NOL10: variants seen among roughly 807,000 people sequenced by gnomAD.
NOL10 encodes nucleolar protein 10.
Under a neutral mutation model 103.5 loss-of-function variants are expected in NOL10, and 58 were observed. That is an observed-to-expected ratio of 0.56 (90% confidence interval 0.45 to 0.70). NOL10 has a LOEUF of 0.70. Among genes scored for constraint, NOL10 ranks in the 30% least tolerant of loss-of-function variants. The pLI, the probability that NOL10 is intolerant of heterozygous loss-of-function variation, is 0.00. For missense variants in NOL10, 763 were observed against 807.3 expected (o/e 0.95, Z 0.67); for synonymous variants, 287 against 282.5 (o/e 1.02, Z -0.16).
intron 19 of NOL10, among the ~76,000 whole-genome samples, chr2:10,587,878 C>G (rs180723752): frequency 5.9e-5 from 9 of 152,146 alleles, no homozygotes; most frequent in Non-Finnish European, 1.3e-4. Context: ...TTCTCCTGCA[C>G]GGAGAGCTGG....
chr2:10,638,320 G>GACGTGACGTGACGTAACGTA (rs1678426927), intron 13 of NOL10, among the ~76,000 whole-genome samples: 1 of 126,968 alleles, frequency 7.9e-6, no homozygotes, highest in Admixed American at 7.3e-5. Flanking sequence ...GACGTGACGT[G>GACGTGACGTGACGTAACGTA]ACGTGACGTG....
In NOL10 at chr2:10,675,856, C is replaced by T. The variant is rs202129521; in HGVS notation, c.227G>A (p.Arg76Gln). Residue 76 changes from arginine (R) to glutamine (Q), a missense_variant, in exon 4 of 21, where the codon CGG becomes CAG. Physicochemically the swap from Arg to Gln is conservative, Grantham distance 43. Transcript: ENST00000381685. ...YILATGTYKP[R>Q]VRCYDTYQLS... is the part of the protein sequence containing the mutation. ...TTGATAGGTGTCATAACATCGAACC[C>T]GAGGTTTATATGTTCCTACAAAAAA... 16 of 1,572,078 alleles carry T rather than the reference C, an allele frequency of 1.0e-5. No homozygotes were observed. Among genetic ancestry groups the T allele is most frequent in the African/African-American group, 5.4e-5 (4 of 74,420 alleles).
chr2:10,619,729 C>T (rs919602606), intron 13 of NOL10, among the ~76,000 whole-genome samples: 1 of 152,086 alleles, frequency 6.6e-6, no homozygotes, highest in African/African-American at 2.4e-5. Flanking sequence ...CTTCAAAGTC[C>T]ACTGTTAGCT....
chr2:10,571,181 T>C lies in NOL10; in HGVS notation c.*890A>G, dbSNP rs1206897979. ...GGCCTGGAGGGAGGTGACTGAAACA[T>C]GGGGGCAGACTTCCCCCTTGCTATT... On this transcript the variant is annotated 3_prime_UTR_variant, in exon 21 of 21. Coordinates refer to ENST00000381685, the MANE Select transcript of NOL10 (RefSeq NM_024894.4). 2.0e-5 allele frequency: 3 copies of C among 152,156 alleles called. No homozygotes were observed. The highest frequency in any genetic ancestry group is 2.9e-5 in the Non-Finnish European group (2 of 68,022). The allele number at this position is 152,156 out of a possible 1,614,324, so 9.4% of individuals were successfully genotyped here.
chr2:10,605,677 A>G (rs1387059725), intron 14 of NOL10, among the ~76,000 whole-genome samples: 1 of 151,798 alleles, frequency 6.6e-6, no homozygotes, highest in Non-Finnish European at 1.5e-5. Context: ...AAAAATCCAT[A>G]AAAGAACAAT....
chr2:10,597,729 T>C (rs952416325), intron 17 of NOL10, among the ~76,000 whole-genome samples: 9 of 152,368 alleles, frequency 5.9e-5, no homozygotes, highest in African/African-American at 2.2e-4. Context: ...ATTTTACAAA[T>C]AGTACTCTTT....
chr2:10,655,873 C>T (rs567801590), intron 11 of NOL10, among the ~76,000 whole-genome samples: 14 of 152,296 alleles, frequency 9.2e-5, no homozygotes, highest in Non-Finnish European at 1.8e-4. Flanking sequence ...CGATGAAGAA[C>T]ACGGCCAAGT....
At chr2:10,592,340 G>A (rs914071820) in intron 17 of NOL10, among the ~76,000 whole-genome samples, 12 of 152,126 alleles carry the variant, frequency 7.9e-5, no homozygotes, top group African/African-American at 2.9e-4. Flanking sequence ...ATCCATCACT[G>A]GAGAGCATTA....
At chr2:10,671,425 T>A in intron 6 of NOL10, 129 bp downstream of exon 6, 1 of 723,126 alleles carries the variant, frequency 1.4e-6, no homozygotes, top group Non-Finnish European at 2.0e-6. Flanking sequence ...TTTTTTTTTT[T>A]TACAAGAGCC....
chr2:10,638,305 G>GTGACGTAACGTGACGTA (rs1558311146), intron 13 of NOL10, among the ~76,000 whole-genome samples: 1 of 92,766 alleles, frequency 1.1e-5, no homozygotes, highest in African/African-American at 3.4e-5. Flanking sequence ...AACGTAACGT[G>GTGACGTAACGTGACGTA]ACGTGACGTG....
At chr2:10,600,097 G>A (rs1232962712) in intron 17 of NOL10, among the ~76,000 whole-genome samples, 2 of 152,058 alleles carry the variant, frequency 1.3e-5, no homozygotes, top group African/African-American at 2.4e-5. Flanking sequence ...GCAGGCTGTC[G>A]CAGAGATCAG....
At chr2:10,652,667 C>G (rs10929689) in intron 12 of NOL10, among the ~76,000 whole-genome samples, 72,174 of 151,972 alleles carry the variant, frequency 0.47, 19,298 homozygotes, top group Non-Finnish European at 0.63. Context: ...GCTCCTCCCC[C>G]TCATTCTCCC....
intron 6 of NOL10, 139 bp downstream of exon 6, chr2:10,671,415 T>C: frequency 1.1e-5 from 8 of 703,876 alleles, no homozygotes; most frequent in Non-Finnish European, 1.5e-5. Context: ...TTTTCTTTTT[T>C]TTTTTTTTTT....
chr2:10,657,460 C>A (rs940344079), intron 11 of NOL10, among the ~76,000 whole-genome samples: 4 of 152,046 alleles, frequency 2.6e-5, no homozygotes, highest in Non-Finnish European at 4.4e-5. Flanking sequence ...GGTCATAGAT[C>A]AACTTTTGTA....
In NOL10 at chr2:10,689,809, T is replaced by C. The variant is rs757440327; in HGVS notation, c.53A>G (p.Lys18Arg). The stretch of plus-strand genomic sequence containing the variant: ...GAAGTGACTCACCTCAGGAAGGGAC[T>C]TGCCGCAGCTGAGGCTGTAAATCTT... ...EVKIYSLSCGKSLPEWLSDRK... is the reference protein window; with the variant it reads ...EVKIYSLSCGRSLPEWLSDRK... Residue 18 changes from lysine to arginine, a missense_variant, in exon 1 of 21, where the codon AAG becomes AGG. Lys to Arg is a conservative substitution (Grantham distance 26). Transcript: ENST00000381685. 9.8e-5 allele frequency: 157 copies of C among 1,605,638 alleles called. No individual in the cohort carries two copies. The highest frequency in any genetic ancestry group is 1.7e-4 in the Admixed American group (10 of 58,826).
At chr2:10,675,429 TTTTTTA>T (rs146300438) in intron 4 of NOL10, among the ~76,000 whole-genome samples, 1,892 of 152,126 alleles carry the variant, frequency 0.012, 22 homozygotes, top group Non-Finnish European at 0.02. Flanking sequence ...AAGCAAATTC[TTTTTTA>T]TTTTTTATTA....
chr2:10,685,038 GA>G (rs1682056226), intron 1 of NOL10, among the ~76,000 whole-genome samples: 1 of 152,100 alleles, frequency 6.6e-6, no homozygotes, highest in Admixed American at 6.6e-5. Flanking sequence ...TTTACATAGA[GA>G]AAAACTAACC....
intron 3 of NOL10, among the ~76,000 whole-genome samples, chr2:10,677,876 C>T (rs982846450): frequency 8.2e-5 from 9 of 109,704 alleles, no homozygotes; most frequent in Admixed American, 1.8e-4. Context: ...TGTGTGTATA[C>T]ACATATATAT....
At chr2:10,629,172 T>C (rs1016083145) in intron 13 of NOL10, among the ~76,000 whole-genome samples, 2 of 126,198 alleles carry the variant, frequency 1.6e-5, no homozygotes, top group African/African-American at 5.9e-5. Context: ...TTATTGAAAC[T>C]GATGTAAGCT....
Sources: allele counts gnomAD v4.1 joint callset (sites outside exome capture counted in the v4.1 genomes callset), GRCh38; gene constraint gnomAD v4.1.1; transcripts MANE v1.5; gene names NCBI Gene and HGNC (gene_info 2026-07-23, HGNC 2026-07-21).